Variants in CACNA2D1 observed in about 807,000 individuals in gnomAD.
The protein encoded by CACNA2D1 is calcium voltage-gated channel auxiliary subunit alpha2delta 1.
A neutral mutation model predicts 171.5 loss-of-function variants in CACNA2D1; 53 were observed. That is an observed-to-expected ratio of 0.31 (90% confidence interval 0.25 to 0.39). The LOEUF (loss-of-function observed/expected upper bound fraction) is 0.39. CACNA2D1 is among the 10% of genes least tolerant of loss of function. The pLI is 1.00. For synonymous variants in CACNA2D1, 442 were observed against 443.1 expected (o/e 1.00, Z 0.03); for missense variants, 903 against 1,299.8 (o/e 0.69, Z 4.69).
chr7:82,443,347 C>T lies in CACNA2D1; in HGVS notation c.95+18G>A. 1.3e-6 allele frequency: 2 copies of T among 1,597,686 alleles called. No individual in the cohort carries two copies. Among genetic ancestry groups the T allele is most frequent in the Non-Finnish European group, 1.7e-6 (2 of 1,172,500 alleles). The stretch of plus-strand genomic sequence containing the variant: ...GGCGCCCCTCGGCCGGCGCTCCCTG[C>T]CCGGCCCGCCGACTTACGTGACGGC... On this transcript the variant is annotated intron_variant, in intron 1 of 38. Coordinates refer to ENST00000356860, the MANE Select transcript of CACNA2D1 (RefSeq NM_000722.4).
chr7:81,992,056 G>T (rs1797602142), intron 20 of CACNA2D1, among the ~76,000 whole-genome samples: 1 of 150,696 alleles, frequency 6.6e-6, no homozygotes, highest in South Asian at 2.1e-4. Context: ...TGTTAGCCAG[G>T]ACGGTCTCGA....
At chr7:82,249,294 A>G (rs1174346947) in intron 3 of CACNA2D1, among the ~76,000 whole-genome samples, 2 of 152,170 alleles carry the variant, frequency 1.3e-5, no homozygotes, top group African/African-American at 4.8e-5. Context: ...TTGGCTAGGC[A>G]TTCAAGGAAT....
At chr7:82,225,106 A>G (rs1802217222) in intron 3 of CACNA2D1, among the ~76,000 whole-genome samples, 1 of 152,194 alleles carries the variant, frequency 6.6e-6, no homozygotes, top group African/African-American at 2.4e-5. Flanking sequence ...TAGAAAATAA[A>G]CTAAAATGAC....
chr7:82,312,571 C>T lies in CACNA2D1; in HGVS notation c.294+22564G>A, dbSNP rs192061765. On this transcript the variant is annotated intron_variant, in intron 3 of 38. Coordinates refer to ENST00000356860, the MANE Select transcript of CACNA2D1 (RefSeq NM_000722.4). Reference sequence around the variant, plus strand: ...ACTCTGTCACCTAGGCTGGAATGTGCAGTGGCACGATCTCAGCTAACTGCA... The same window carrying T: ...ACTCTGTCACCTAGGCTGGAATGTGTAGTGGCACGATCTCAGCTAACTGCA... 4.3e-3 allele frequency among the ~76,000 whole-genome samples: 623 copies of T among 144,262 alleles called. 4 individuals carry two copies. Among genetic ancestry groups the T allele is most frequent in the African/African-American group, 0.016 (605 of 38,504 alleles). 94.6% of individuals were successfully genotyped at this position (144,262 alleles called of 152,430 possible).
intron 3 of CACNA2D1, among the ~76,000 whole-genome samples, chr7:82,181,182 A>C (rs1243984580): frequency 6.7e-6 from 1 of 150,360 alleles, no homozygotes; most frequent in Non-Finnish European, 1.5e-5. Flanking sequence ...GGTTTGAAAC[A>C]ACTTATGTGA....
intron 3 of CACNA2D1, among the ~76,000 whole-genome samples, chr7:82,268,125 G>C (rs543617068): frequency 6.6e-6 from 1 of 152,220 alleles, no homozygotes; most frequent in Admixed American, 6.5e-5. Flanking sequence ...TTTTACATAG[G>C]CAGAAGAAAA....
chr7:82,368,203 G>A lies in CACNA2D1; in HGVS notation c.96-18554C>T, dbSNP rs141248568. On this transcript the variant is annotated intron_variant, in intron 1 of 38. Coordinates refer to ENST00000356860, the MANE Select transcript of CACNA2D1 (RefSeq NM_000722.4). Reference sequence around the variant, plus strand: ...TGCTTTGGTTATGGGAATGCTCCTCGTAGCAAGCAGAAACTTCAACCCAAA... The same window carrying A: ...TGCTTTGGTTATGGGAATGCTCCTCATAGCAAGCAGAAACTTCAACCCAAA... 4.7e-3 allele frequency among the ~76,000 whole-genome samples: 716 copies of A among 152,256 alleles called. 4 individuals are homozygous for A. The highest frequency in any genetic ancestry group is 0.017 in the African/African-American group (694 of 41,564).
At chr7:82,237,789 T>C (rs1374959794) in intron 3 of CACNA2D1, among the ~76,000 whole-genome samples, 4 of 152,024 alleles carry the variant, frequency 2.6e-5, no homozygotes, top group Non-Finnish European at 5.9e-5. Flanking sequence ...TGCTTTGTTA[T>C]ATATTAAAAA....
chr7:82,430,768 C>T (rs3801667), intron 1 of CACNA2D1, among the ~76,000 whole-genome samples: 69,315 of 151,912 alleles, frequency 0.46, 16,177 homozygotes, highest in South Asian at 0.58. Flanking sequence ...TTGCGAAAAA[C>T]GCAACTGGTC....
intron 6 of CACNA2D1, 54 bp downstream of exon 6, chr7:82,116,990 A>T (rs1009724248): frequency 6.3e-7 from 1 of 1,599,922 alleles, no homozygotes; most frequent in South Asian, 1.1e-5. Flanking sequence ...CATGGGAAAC[A>T]TAAGACAGGC....
At chr7:82,248,759 A>G (rs1447333827) in intron 3 of CACNA2D1, among the ~76,000 whole-genome samples, 1 of 152,008 alleles carries the variant, frequency 6.6e-6, no homozygotes, top group African/African-American at 2.4e-5. Context: ...GGTTCTTTGG[A>G]CACAGTGATC....
chr7:82,133,404 T>G (rs1791236192), intron 5 of CACNA2D1, among the ~76,000 whole-genome samples: 1 of 152,146 alleles, frequency 6.6e-6, no homozygotes, highest in Admixed American at 6.5e-5. Context: ...AGTGAAAAAC[T>G]ATTTGAATGT....
At chr7:82,072,751 G>A (rs1808475583) in intron 7 of CACNA2D1, among the ~76,000 whole-genome samples, 1 of 151,928 alleles carries the variant, frequency 6.6e-6, no homozygotes. Flanking sequence ...AGCCTACCTG[G>A]ATTTTTCACT....
At chr7:82,012,950 A>G (rs1799975901) in intron 14 of CACNA2D1, among the ~76,000 whole-genome samples, 1 of 152,124 alleles carries the variant, frequency 6.6e-6, no homozygotes, top group African/African-American at 2.4e-5. Flanking sequence ...GTTATTTAAC[A>G]GGCATGTTTT....
At chr7:82,183,680 G>A (rs7796947) in intron 3 of CACNA2D1, among the ~76,000 whole-genome samples, 52,269 of 151,894 alleles carry the variant, frequency 0.34, 9,223 homozygotes, top group East Asian at 0.48. Flanking sequence ...ACAGAGTAGC[G>A]ACATCTTATT....
At chr7:82,033,188 T>C (rs1231365663) in intron 11 of CACNA2D1, 3 of 260,422 alleles carry the variant, frequency 1.2e-5, no homozygotes, top group Non-Finnish European at 2.2e-5. Context: ...AATTGCAGTC[T>C]CCCTCCAAGA....
intron 24 of CACNA2D1, among the ~76,000 whole-genome samples, chr7:81,980,583 T>G (rs1016389839): frequency 1.4e-5 from 2 of 140,910 alleles, no homozygotes; most frequent in East Asian, 4.2e-4. Context: ...ATTTAGCAGA[T>G]GAGAAATATG....
chr7:82,409,489 T>C (rs948034492), intron 1 of CACNA2D1, among the ~76,000 whole-genome samples: 11 of 152,300 alleles, frequency 7.2e-5, no homozygotes, highest in African/African-American at 2.4e-4. Context: ...TACTGTTAGG[T>C]TCTCCTATTC....
chr7:82,234,950 A>G (rs906116030), intron 3 of CACNA2D1, among the ~76,000 whole-genome samples: 1 of 152,140 alleles, frequency 6.6e-6, no homozygotes, highest in Non-Finnish European at 1.5e-5. Context: ...GAGAATTATT[A>G]ATAAAGCCAC....
Sources: gnomAD v4.1 joint callset for allele counts (sites outside exome capture counted in the v4.1 genomes callset) on GRCh38, gnomAD v4.1.1 for gene constraint, MANE v1.5 for transcripts, NCBI Gene and HGNC (gene_info 2026-07-23, HGNC 2026-07-21) for gene names.